The following HAPLN1 variants were observed in gnomAD, a reference collection of about 807,000 sequenced individuals.
The protein encoded by HAPLN1 is hyaluronan and proteoglycan link protein 1.
A neutral mutation model predicts 36.5 loss-of-function variants in HAPLN1; 13 were observed. The ratio of observed to expected loss-of-function variants is 0.36; its 90% CI spans 0.23 to 0.57. The LOEUF (loss-of-function observed/expected upper bound fraction) is 0.57, where lower values mean the gene tolerates loss of function less well. Ranked by LOEUF, HAPLN1 falls within the 20% of genes least tolerant of loss-of-function variation. The pLI is 0.83. For missense variants in HAPLN1, 407 were observed against 439.7 expected (o/e 0.93, Z 0.66); for synonymous variants, 202 against 169.8 (o/e 1.19, Z -1.48).
chr5:83,717,228 T>C (rs1402728427), intron 1 of HAPLN1, among the ~76,000 whole-genome samples: 1 of 152,192 alleles, frequency 6.6e-6, no homozygotes, highest in Non-Finnish European at 1.5e-5. Context: ...GAAATAAAGA[T>C]TAAGATAATC....
At chr5:83,653,133 C>T (rs1203434761) in intron 2 of HAPLN1, among the ~76,000 whole-genome samples, 1 of 152,124 alleles carries the variant, frequency 6.6e-6, no homozygotes, top group African/African-American at 2.4e-5. Flanking sequence ...ATTATTGTTT[C>T]AATTTTTTCT....
Position 83,673,467 on chromosome 5 carries a change from T to G in HAPLN1, c.57A>C (p.Ser19=). 4 of 1,613,708 alleles carry G rather than the reference T, an allele frequency of 2.5e-6. No individual in the cohort carries two copies. The highest frequency in any genetic ancestry group is 3.4e-6 in the Non-Finnish European group (4 of 1,179,810). ...TGTCATGATCCAGAGTATAGTTGTC[T>G]GAAAGATGATCAGCCCAGCAGATTG... ...LISICWADHL[S]DNYTLDHDRA... Residue 19 remains serine (S), a synonymous_variant, in exon 2 of 5, where the codon TCA becomes TCC. Transcript: ENST00000274341.
chr5:83,669,619 A>G (rs971855517), intron 2 of HAPLN1, among the ~76,000 whole-genome samples: 1 of 152,254 alleles, frequency 6.6e-6, no homozygotes, highest in African/African-American at 2.4e-5. Flanking sequence ...AATTAAGGTG[A>G]TGATATGTTC....
chr5:83,706,440 A>C (rs898072061), intron 1 of HAPLN1, among the ~76,000 whole-genome samples: 16 of 152,230 alleles, frequency 1.1e-4, no homozygotes, highest in African/African-American at 3.9e-4. Flanking sequence ...ACAAATCAAT[A>C]AATGTGATTC....
At chr5:83,653,676 C>T (rs1750138588) in intron 2 of HAPLN1, among the ~76,000 whole-genome samples, 1 of 152,182 alleles carries the variant, frequency 6.6e-6, no homozygotes, top group African/African-American at 2.4e-5. Flanking sequence ...CTTTCCTTGT[C>T]CTTTTGTTTT....
At chr5:83,647,750 C>A (rs1742975719) in intron 3 of HAPLN1, among the ~76,000 whole-genome samples, 1 of 152,006 alleles carries the variant, frequency 6.6e-6, no homozygotes, top group African/African-American at 2.4e-5. Flanking sequence ...ACTTATATGT[C>A]AAAATATAAT....
At position 83,673,410 on chromosome 5, in the gene HAPLN1, CTGT is replaced by C; in HGVS notation, c.100+11_100+13del. On this transcript the variant is annotated intron_variant, in intron 2 of 4. Coordinates refer to ENST00000274341, the MANE Select transcript of HAPLN1 (RefSeq NM_001884.4). ...ATTAATTAGGCTTTGATAAGAGAAG[CTGT>C]GTTTCCTTACCTTGGATGTGAATAG... 2 of 1,525,346 alleles carry C rather than the reference CTGT, an allele frequency of 1.3e-6. No individual in the cohort carries two copies. Among genetic ancestry groups the C allele is most frequent in the Non-Finnish European group, 1.8e-6 (2 of 1,121,164 alleles). 94.5% of individuals were successfully genotyped at this position (1,525,346 alleles called of 1,614,324 possible). A position where few individuals can be genotyped will look rare whatever the true frequency, so the allele number is the denominator to read the frequency against.
intron 1 of HAPLN1, among the ~76,000 whole-genome samples, chr5:83,707,050 A>G (rs1192184680): frequency 6.6e-6 from 1 of 152,214 alleles, no homozygotes; most frequent in African/African-American, 2.4e-5. Context: ...GGTGAGAATT[A>G]CAAGACACTG....
chr5:83,671,099 A>G (rs915156837), intron 2 of HAPLN1, among the ~76,000 whole-genome samples: 1 of 152,164 alleles, frequency 6.6e-6, no homozygotes, highest in African/African-American at 2.4e-5. Flanking sequence ...CAGAAAAACA[A>G]TTAGCTAACC....
chr5:83,678,218 TGG>T (rs1554049525), intron 1 of HAPLN1, among the ~76,000 whole-genome samples: 8,997 of 50,560 alleles, frequency 0.18, 330 homozygotes, highest in Non-Finnish European at 0.24. Context: ...ATCTATAGTT[TGG>T]GTGTGTGTGT....
intron 1 of HAPLN1, among the ~76,000 whole-genome samples, chr5:83,698,860 T>G (rs1243340043): frequency 6.6e-6 from 1 of 152,212 alleles, no homozygotes; most frequent in East Asian, 1.9e-4. Flanking sequence ...GAATTTGAAC[T>G]TCATCAGCAT....
At position 83,641,490 on chromosome 5, in the gene HAPLN1, G is replaced by A. The variant is rs1309312131; in HGVS notation, c.*6C>T. ...ACTTTAAAACTGATGCGCTCTAAGGGCACATTCAGTTGTATGCTCTGAAGC... is the reference window on the plus strand; with the variant it reads ...ACTTTAAAACTGATGCGCTCTAAGGACACATTCAGTTGTATGCTCTGAAGC... On this transcript the variant is annotated 3_prime_UTR_variant, in exon 5 of 5. Coordinates refer to ENST00000274341, the MANE Select transcript of HAPLN1 (RefSeq NM_001884.4). The A allele has an allele frequency of 1.9e-6, 3 of 1,587,872 alleles. No homozygotes were observed. Among genetic ancestry groups the A allele is most frequent in the South Asian group, 2.3e-5 (2 of 88,828 alleles).
In HAPLN1 at chr5:83,673,558, G is replaced by T. The variant is rs1750785804; in HGVS notation, c.-26-9C>A. The T allele has an allele frequency of 2.1e-6, 3 of 1,460,142 alleles. No homozygotes were observed. Among genetic ancestry groups the T allele is most frequent in the Non-Finnish European group, 2.9e-6 (3 of 1,040,440 alleles). The allele number at this position is 1,460,142 out of a possible 1,614,324, so 90.4% of individuals were successfully genotyped here. On this transcript the variant is annotated splice_polypyrimidine_tract_variant and intron_variant, in intron 1 of 4. Transcript: ENST00000274341. ...CCAAAGAATCTTCTTCACTGCGAGA[G>T]CATCACATACAAAGAGGCTTGTGAG...
chr5:83,677,158 C>G (rs1269879724), intron 1 of HAPLN1, among the ~76,000 whole-genome samples: 1 of 152,168 alleles, frequency 6.6e-6, no homozygotes, highest in African/African-American at 2.4e-5. Flanking sequence ...AGAGCTAACA[C>G]TACATATTTC....
intron 1 of HAPLN1, among the ~76,000 whole-genome samples, chr5:83,707,308 G>A (rs1281868033): frequency 6.6e-6 from 1 of 152,142 alleles, no homozygotes; most frequent in Non-Finnish European, 1.5e-5. Context: ...AAAGCTGGAA[G>A]AATCACATTA....
At chr5:83,697,671 T>G (rs143979446) in intron 1 of HAPLN1, among the ~76,000 whole-genome samples, 7 of 152,286 alleles carry the variant, frequency 4.6e-5, no homozygotes, top group African/African-American at 1.4e-4. Flanking sequence ...TTCCAATTTC[T>G]CCACTCTCCA....
chr5:83,654,761 A>T (rs1013120649), intron 2 of HAPLN1, among the ~76,000 whole-genome samples: 2 of 152,242 alleles, frequency 1.3e-5, no homozygotes, highest in Non-Finnish European at 2.9e-5. Flanking sequence ...CATAGAGGAT[A>T]TCATAGCAGT....
At chr5:83,655,624 G>A (rs900479828) in intron 2 of HAPLN1, among the ~76,000 whole-genome samples, 5 of 151,936 alleles carry the variant, frequency 3.3e-5, no homozygotes, top group Non-Finnish European at 7.4e-5. Context: ...TAGTGACTAA[G>A]GCCATTAAGG....
chr5:83,704,440 C>G (rs1050678260), intron 1 of HAPLN1, among the ~76,000 whole-genome samples: 1 of 152,086 alleles, frequency 6.6e-6, no homozygotes, highest in African/African-American at 2.4e-5. Flanking sequence ...AAATTTCTCA[C>G]TTAAAAGGCA....
Sources: allele counts gnomAD v4.1 joint callset (sites outside exome capture counted in the v4.1 genomes callset), GRCh38; gene constraint gnomAD v4.1.1; transcripts MANE v1.5; gene names NCBI Gene and HGNC (gene_info 2026-07-23, HGNC 2026-07-21).